The following ODF2L variants were observed in gnomAD, a reference collection of about 807,000 sequenced individuals.
ODF2L encodes outer dense fiber of sperm tails 2 like, also known as protein BCAP.
ODF2L carries 76 observed loss-of-function variants against 86.3 expected under a neutral mutation model. The ratio of observed to expected loss-of-function variants is 0.88; its 90% confidence interval spans 0.73 to 1.07. The LOEUF (loss-of-function observed/expected upper bound fraction) is 1.07, where lower values mean the gene tolerates loss of function less well. Ranked by LOEUF, ODF2L falls within the 50% of genes least tolerant of loss-of-function variation. The pLI is 0.00. For synonymous variants in ODF2L, 241 were observed against 231.3 expected, an observed-to-expected ratio of 1.04 and a Z score of -0.38; for missense variants, 748 against 717.4, an observed-to-expected ratio of 1.04 and a Z score of -0.49.
chr1:86,374,382 G>A (rs1009194103), intron 8 of ODF2L, among the ~76,000 whole-genome samples: 2 of 151,984 alleles, frequency 1.3e-5, no homozygotes, highest in Admixed American at 1.3e-4. Flanking sequence ...CATCAGTATG[G>A]CATTCCTAGA....
chr1:86,355,218 T>A (rs1277842246), intron 14 of ODF2L: 2 of 666,802 alleles, frequency 3.0e-6, no homozygotes, highest in Non-Finnish European at 2.6e-6. Flanking sequence ...CTAGGGTTTC[T>A]CTTATGGTTT....
At position 86,356,575 on chromosome 1, in the gene ODF2L, T is replaced by A; in HGVS notation, c.1387A>T (p.Lys463Ter). 6.2e-7 allele frequency: 1 copy of A among 1,613,772 alleles called. No individual in the cohort carries two copies. Among genetic ancestry groups the A allele is most frequent in the Middle Eastern group, 1.6e-4 (1 of 6,062 alleles). ...GAATCGCAGACACGCTCTAACTCCTTCAGATGAGACTCCATCTGGCCTCTC... is the reference window on the plus strand; with the variant it reads ...GAATCGCAGACACGCTCTAACTCCTACAGATGAGACTCCATCTGGCCTCTC... Residue 463 changes from lysine (K) to a stop codon, truncating the protein, a stop_gained, in exon 14 of 18, where the codon AAG becomes TAG. Coordinates refer to ENST00000317336, the Ensembl canonical transcript of ODF2L. LOFTEE classifies it high-confidence loss of function.
At chr1:86,370,000 T>C (rs1659686260) in intron 10 of ODF2L, among the ~76,000 whole-genome samples, 1 of 152,114 alleles carries the variant, frequency 6.6e-6, no homozygotes, top group Non-Finnish European at 1.5e-5. Flanking sequence ...CTCATAAACA[T>C]ACTCATTTTT....
rs75376884 is a variant in ODF2L, at chr1:86,368,686, T to C, written c.1093A>G (p.Met365Val). Residue 365 changes from methionine to valine, a missense_variant, in exon 11 of 18, where the codon ATG becomes GTG. Coordinates refer to ENST00000317336, the Ensembl canonical transcript of ODF2L. ...ATATCAAGAACAATCAAAATGTTCA[T>C]ATTCTTTGACTCAGTAATTCTACAT... The C allele has an allele frequency of 9.4e-3, 13,565 of 1,449,984 alleles. 572 individuals are homozygous for C. In the East Asian group the frequency reaches 0.13, roughly 14 times the overall value. 89.8% of individuals were successfully genotyped at this position (1,449,984 alleles called of 1,614,324 possible). A position where few individuals can be genotyped will look rare whatever the true frequency, so the allele number is the denominator to read the frequency against.
chr1:86,379,188 TG>T (rs1046355593), intron 7 of ODF2L, among the ~76,000 whole-genome samples: 30 of 152,248 alleles, frequency 2.0e-4, no homozygotes, highest in African/African-American at 7.0e-4. Flanking sequence ...ATACAGCCTG[TG>T]GAACTGTGGG....
At chr1:86,357,226 A>G (rs766838601) in intron 13 of ODF2L, among the ~76,000 whole-genome samples, 2 of 152,240 alleles carry the variant, frequency 1.3e-5, no homozygotes, top group African/African-American at 2.4e-5. Flanking sequence ...TGTGAAAAGC[A>G]GCAACCTTAA....
chr1:86,383,493 GA>G lies in ODF2L; in HGVS notation c.373-298del, dbSNP rs561570725. Among the ~76,000 whole-genome samples the G allele has an allele frequency of 3.3e-3, 506 of 151,750 alleles. 1 individual carries two copies. Among genetic ancestry groups the G allele is most frequent in the African/African-American group, 0.011 (469 of 41,488 alleles). On this transcript the variant is annotated intron_variant, in intron 4 of 17. Transcript: ENST00000317336. ...AAGAAGTTTGTATAGAGTTTGTATA[GA>G]GTATAGAATGCAACACAGTGCTGTT...
chr1:86,355,329 C>T lies in ODF2L; in HGVS notation c.1519-470G>A, dbSNP rs565777193. 7.4e-5 allele frequency: 112 copies of T among 1,503,764 alleles called. 1 individual carries two copies. In the African/African-American group the frequency reaches 1.4e-3, roughly 19 times the overall value. 93.2% of individuals were successfully genotyped at this position (1,503,764 alleles called of 1,614,324 possible). A position where few individuals can be genotyped will look rare whatever the true frequency, so the allele number is the denominator to read the frequency against. ...TTGAGAAGCAAAGTGAACAAATCAACCAAAGACACACTCACCCATGCCAAG... is the reference window on the plus strand; with the variant it reads ...TTGAGAAGCAAAGTGAACAAATCAATCAAAGACACACTCACCCATGCCAAG... On this transcript the variant is annotated intron_variant, in intron 14 of 17. Coordinates refer to ENST00000317336, the Ensembl canonical transcript of ODF2L.
intron 1 of ODF2L, among the ~76,000 whole-genome samples, chr1:86,393,809 T>C (rs1168540391): frequency 1.3e-5 from 2 of 152,262 alleles, no homozygotes; most frequent in Non-Finnish European, 1.5e-5. Context: ...ATAATACGCA[T>C]CACTCTCTGC....
intron 1 of ODF2L, among the ~76,000 whole-genome samples, chr1:86,391,620 C>T (rs1018926585): frequency 1.1e-4 from 16 of 152,052 alleles, no homozygotes; most frequent in African/African-American, 1.9e-4. Flanking sequence ...ATTGGCAAGC[C>T]GCATGTAGGA....
At position 86,363,282 on chromosome 1, in the gene ODF2L, T is replaced by C. The variant is rs773517693; in HGVS notation, c.1144-2746A>G. ...ACAACTTTTAGACACCTATTAAATA[T>C]TGACATGGAGATGTCAATCAGGCAG... is the stretch of plus-strand genomic sequence containing the variant. On this transcript the variant is annotated intron_variant, in intron 11 of 17. Coordinates refer to ENST00000317336, the Ensembl canonical transcript of ODF2L. Among the ~76,000 whole-genome samples the C allele has an allele frequency of 3.3e-5, 5 of 152,182 alleles. 1 individual carries two copies. In the East Asian group the frequency reaches 9.6e-4, roughly 29 times the overall value.
At chr1:86,351,976 A>G (rs1393257216) in exon 18 of ODF2L, 1 of 1,268,482 alleles carries the variant, frequency 7.9e-7, no homozygotes, top group Admixed American at 4.0e-5. Flanking sequence ...CACACATTTT[A>G]CAATATCAGA....
At chr1:86,384,549 T>C (rs1217400306) in intron 4 of ODF2L, 127 bp downstream of exon 4, 2 of 516,712 alleles carry the variant, frequency 3.9e-6, no homozygotes, top group East Asian at 7.5e-5. Flanking sequence ...TGGGGATTAA[T>C]GACTGACAAA....
chr1:86,363,695 T>C (rs1659204334), intron 11 of ODF2L, among the ~76,000 whole-genome samples: 1 of 151,924 alleles, frequency 6.6e-6, no homozygotes, highest in African/African-American at 2.4e-5. Flanking sequence ...AAAAATTATA[T>C]ATATGCTAAA....
At chr1:86,355,458 C>CTAATT in intron 14 of ODF2L, 1 of 781,858 alleles carries the variant, frequency 1.3e-6, no homozygotes, top group South Asian at 1.6e-5. Flanking sequence ...GTAATTTAGG[C>CTAATT]TAATCTATGT....
chr1:86,359,123 C>T (rs910369195), intron 12 of ODF2L, among the ~76,000 whole-genome samples: 1 of 152,078 alleles, frequency 6.6e-6, no homozygotes, highest in African/African-American at 2.4e-5. Flanking sequence ...AAACTCTCCA[C>T]TTGAGCTTTG....
exon 2 of ODF2L, chr1:86,387,041 G>A: frequency 7.5e-7 from 1 of 1,330,108 alleles, no homozygotes; most frequent in East Asian, 2.5e-5. Flanking sequence ...TTCAGTAAAT[G>A]GATTTATAGG....
At chr1:86,367,816 G>C (rs1429841886) in intron 11 of ODF2L, among the ~76,000 whole-genome samples, 1 of 152,076 alleles carries the variant, frequency 6.6e-6, no homozygotes, top group Non-Finnish European at 1.5e-5. Flanking sequence ...AGTGAACGTG[G>C]GGAGAACAGA....
At chr1:86,381,748 A>C (rs568068541) in intron 7 of ODF2L, among the ~76,000 whole-genome samples, 38 of 152,260 alleles carry the variant, frequency 2.5e-4, no homozygotes, top group Non-Finnish European at 5.0e-4. Context: ...TTGTTTAATA[A>C]GGGAATTACT....
Sources: gnomAD v4.1 joint callset for allele counts (sites outside exome capture counted in the v4.1 genomes callset) on GRCh38, gnomAD v4.1.1 for gene constraint, MANE v1.5 for transcripts, NCBI Gene and HGNC (gene_info 2026-07-23, HGNC 2026-07-21) for gene names.